The following PCDH15 variants were observed in gnomAD, a reference collection of about 807,000 sequenced individuals.
PCDH15 encodes the protein protocadherin-15.
PCDH15 carries 129 observed loss-of-function variants against 178.5 expected under a neutral mutation model. That is an observed-to-expected ratio of 0.72 (90% CI 0.63 to 0.84). The LOEUF (loss-of-function observed/expected upper bound fraction) is 0.84. PCDH15 is among the 40% of genes least tolerant of loss of function. PCDH15 has a pLI of 0.00. For missense variants in PCDH15, 2,230 were observed against 2,099.9 expected (o/e 1.06, Z -1.21); for synonymous variants, 800 against 732.0 (o/e 1.09, Z -1.50).
rs1041533504 is a variant in PCDH15, at chr10:55,318,064, C to T, written c.-156+1535G>A. ...AGTTACAGGAGTTCCAAGTTTAGAG[C>T]GTAAAACAACAATCAGACAAGAACG... is the stretch of plus-strand genomic sequence containing the variant. On this transcript the variant is annotated intron_variant, in intron 1 of 5. Coordinates refer to the PCDH15 transcript ENST00000458638. Among the ~76,000 whole-genome samples the T allele has an allele frequency of 5.3e-5, 8 of 152,160 alleles. No individual in the cohort carries two copies. The South Asian group carries it at 8.3e-4, about 16-fold the overall frequency.
intron 1 of PCDH15, among the ~76,000 whole-genome samples, chr10:55,220,570 T>G (rs1375757655): frequency 6.6e-6 from 1 of 152,066 alleles, no homozygotes; most frequent in Non-Finnish European, 1.5e-5. Flanking sequence ...AAAGACTATA[T>G]TTCTCCTAAG....
In PCDH15 at chr10:54,994,431, A is replaced by G. The variant is rs147988186; in HGVS notation, c.-79-96931T>C. Reference sequence around the variant, plus strand: ...TCTTAAGAAGATGCAGTTTTATAACAGTAATGAAAAAAATACTATATCTAG... The same window carrying G: ...TCTTAAGAAGATGCAGTTTTATAACGGTAATGAAAAAAATACTATATCTAG... On this transcript the variant is annotated intron_variant, in intron 2 of 5. Coordinates refer to the PCDH15 transcript ENST00000458638. 9.5e-3 allele frequency among the ~76,000 whole-genome samples: 1,445 copies of G among 152,334 alleles called. 16 individuals carry two copies. The highest frequency in any genetic ancestry group is 0.016 in the Non-Finnish European group (1,057 of 68,014).
At chr10:54,414,911 A>G (rs1954098945) in intron 3 of PCDH15, among the ~76,000 whole-genome samples, 1 of 152,082 alleles carries the variant, frequency 6.6e-6, no homozygotes. Context: ...TAAAAATAGA[A>G]TTTTATTTCA....
chr10:55,140,030 T>C (rs1223760131), intron 2 of PCDH15, among the ~76,000 whole-genome samples: 2 of 152,038 alleles, frequency 1.3e-5, no homozygotes, highest in East Asian at 3.9e-4. Context: ...TTAGAATGAT[T>C]TCAAATAGTT....
intron 11 of PCDH15, among the ~76,000 whole-genome samples, chr10:54,191,260 T>C (rs2048963779): frequency 6.6e-6 from 1 of 152,102 alleles, no homozygotes; most frequent in African/African-American, 2.4e-5. Flanking sequence ...ATTTTCAAGT[T>C]GGAAGTATAG....
At chr10:54,193,931 T>C (rs950368376) in intron 11 of PCDH15, among the ~76,000 whole-genome samples, 15 of 151,790 alleles carry the variant, frequency 9.9e-5, no homozygotes, top group African/African-American at 3.6e-4. Context: ...ATCATGTTTG[T>C]TGTGAGATTT....
chr10:54,991,114 G>A (rs1839488008), intron 2 of PCDH15, among the ~76,000 whole-genome samples: 1 of 152,088 alleles, frequency 6.6e-6, no homozygotes, highest in Non-Finnish European at 1.5e-5. Flanking sequence ...ACATGATTTT[G>A]AAAGATACTT....
rs550805406 is a variant in PCDH15, at chr10:55,117,380, C to T, written c.-80+49196G>A. ...AGAGTGTTTTTAAACAGGCAAAAAG[C>T]TATCAGCCTCTTTTGTCAACAGAAA... On this transcript the variant is annotated intron_variant, in intron 2 of 5. Transcript: ENST00000458638. Among the ~76,000 whole-genome samples the T allele has an allele frequency of 2.6e-5, 4 of 152,258 alleles. No individual in the cohort carries two copies. The East Asian group carries it at 7.7e-4, about 29-fold the overall frequency.
intron 1 of PCDH15, among the ~76,000 whole-genome samples, chr10:55,257,389 T>C (rs1451146019): frequency 4.0e-5 from 6 of 151,690 alleles, no homozygotes; most frequent in Non-Finnish European, 5.9e-5. Context: ...CTTTGACGAG[T>C]TGAGAGAAGA....
chr10:53,887,670 C>A (rs2081192439), intron 26 of PCDH15, among the ~76,000 whole-genome samples: 1 of 152,088 alleles, frequency 6.6e-6, no homozygotes, highest in South Asian at 2.1e-4. Context: ...GGGCGGATCA[C>A]GAGGTCAGGA....
chr10:54,258,090 T>A (rs916436499), intron 8 of PCDH15, among the ~76,000 whole-genome samples: 2 of 152,112 alleles, frequency 1.3e-5, no homozygotes, highest in Admixed American at 1.3e-4. Flanking sequence ...TTTGGGATCA[T>A]CCTCTGTGCT....
intron 2 of PCDH15, among the ~76,000 whole-genome samples, chr10:54,557,299 CA>C (rs1037780625): frequency 9.2e-5 from 14 of 152,214 alleles, no homozygotes; most frequent in African/African-American, 2.6e-4. Flanking sequence ...GTTTGCAAAA[CA>C]AAAGTCTATT....
At chr10:54,307,098 GTGTGTGTATATATATATATATATATATA>G (rs1564922743) in intron 8 of PCDH15, among the ~76,000 whole-genome samples, 12 of 13,578 alleles carry the variant, frequency 8.8e-4, no homozygotes, top group African/African-American at 3.8e-3. Flanking sequence ...ATATATGTGT[GTGTGTGTATATATATATATATATATATA>G]TATATATATA....
rs142756598 is a variant in PCDH15, at chr10:55,046,110, C to T, written c.-80+120466G>A. ...TGTACTAAGCATACAGAGGGATTTG[C>T]TCATTGTAGCTGCCTCAAATTAAGC... On this transcript the variant is annotated intron_variant, in intron 2 of 5. Coordinates refer to the PCDH15 transcript ENST00000458638. 3.3e-3 allele frequency among the ~76,000 whole-genome samples: 507 copies of T among 152,128 alleles called. 3 individuals are homozygous for T. The highest frequency in any genetic ancestry group is 0.012 in the African/African-American group (494 of 41,542).
intron 18 of PCDH15, among the ~76,000 whole-genome samples, chr10:54,025,733 G>T (rs2093064461): frequency 6.6e-6 from 1 of 152,072 alleles, no homozygotes; most frequent in African/African-American, 2.4e-5. Context: ...CCCTGACCTT[G>T]TGATCCACCC....
chr10:54,071,009 A>G (rs575872912), intron 17 of PCDH15, among the ~76,000 whole-genome samples: 24 of 152,298 alleles, frequency 1.6e-4, no homozygotes, highest in African/African-American at 5.8e-4. Context: ...GCATTATTTG[A>G]AATTCGTGAG....
Position 54,764,762 on chromosome 10 carries a change from T to C in PCDH15, c.-29+36163A>G, listed in dbSNP as rs577141079. 1.5e-3 allele frequency among the ~76,000 whole-genome samples: 227 copies of C among 152,150 alleles called. 1 individual carries two copies. The highest frequency in any genetic ancestry group is 8.8e-4 in the Non-Finnish European group (60 of 67,990). On this transcript the variant is annotated intron_variant, in intron 1 of 37. Coordinates refer to ENST00000644397, the MANE Select transcript of PCDH15 (RefSeq NM_001384140.1). ...GCCTTCTGAGTATATGTCAGGGAAG[T>C]GAAGACAATGAATAGTTCCATGCAA...
intron 2 of PCDH15, among the ~76,000 whole-genome samples, chr10:54,931,146 C>G (rs2131853210): frequency 6.6e-6 from 1 of 152,234 alleles, no homozygotes; most frequent in South Asian, 2.1e-4. Context: ...CATTTCTGAG[C>G]ATTTGAAAAC....
intron 2 of PCDH15, among the ~76,000 whole-genome samples, chr10:55,367,583 GA>G (rs1845398845): frequency 6.6e-6 from 1 of 151,594 alleles, no homozygotes; most frequent in South Asian, 2.1e-4. Flanking sequence ...CCTCTCTCAA[GA>G]AAACAAAACA....
Sources: gnomAD v4.1 joint callset for allele counts (sites outside exome capture counted in the v4.1 genomes callset) on GRCh38, gnomAD v4.1.1 for gene constraint, MANE v1.5 for transcripts, NCBI Gene and HGNC (gene_info 2026-07-23, HGNC 2026-07-21) for gene names.